CRTAP: variants seen among roughly 807,000 people sequenced by gnomAD.
The protein encoded by CRTAP is cartilage-associated protein.
A neutral mutation model predicts 42.7 loss-of-function variants in CRTAP; 33 were observed. The ratio of observed to expected loss-of-function variants is 0.77; its 90% CI spans 0.59 to 1.03. The LOEUF (loss-of-function observed/expected upper bound fraction) is 1.03. CRTAP is among the 50% of genes least tolerant of loss of function. The pLI, the probability that CRTAP is intolerant of heterozygous loss-of-function variation, is 0.00. For synonymous variants in CRTAP, 243 were observed against 217.7 expected (o/e 1.12, Z -1.02); for missense variants, 613 against 533.9 (o/e 1.15, Z -1.46).
chr3:33,142,669 T>C lies in CRTAP; in HGVS notation c.*221T>C, dbSNP rs1029318591. 1.9e-6 allele frequency: 1 copy of C among 531,770 alleles called. No homozygotes were observed. Among genetic ancestry groups the C allele is most frequent in the Non-Finnish European group, 3.4e-6 (1 of 293,910 alleles). 32.9% of individuals were successfully genotyped at this position (531,770 alleles called of 1,614,324 possible). A position where few individuals can be genotyped will look rare whatever the true frequency, so the allele number is the denominator to read the frequency against. On this transcript the variant is annotated 3_prime_UTR_variant, in exon 7 of 7. Transcript: ENST00000320954. ...TTCACACCTATCTTTCTCACCTTTT[T>C]TTTGAGATGGAGTCTCGCTCTCTTG... is the stretch of plus-strand genomic sequence containing the variant.
rs746788797 is a variant in CRTAP at position 33,114,191 on chromosome 3, G to T, written c.114G>T (p.Arg38=). 1.6e-5 allele frequency: 25 copies of T among 1,593,444 alleles called. No homozygotes were observed. Among genetic ancestry groups the T allele is most frequent in the Middle Eastern group, 1.7e-4 (1 of 5,962 alleles). Residue 38 remains arginine, a synonymous_variant, in exon 1 of 7, where the codon CGG becomes CGT. Coordinates refer to ENST00000320954, the MANE Select transcript of CRTAP (RefSeq NM_006371.5). ...GCTACAGCTTCCGCAGCTTCCCACGGGACGAGCTGATGCCGCTCGAGTCGG... is the reference window on the plus strand; with the variant it reads ...GCTACAGCTTCCGCAGCTTCCCACGTGACGAGCTGATGCCGCTCGAGTCGG... ...YERYSFRSFP[R]DELMPLESAY...
intron 2 of CRTAP, among the ~76,000 whole-genome samples, chr3:33,123,113 A>G (rs76972696): frequency 3.5e-3 from 526 of 152,226 alleles, no homozygotes; most frequent in Middle Eastern, 0.014. Context: ...AATCGAGTCT[A>G]ATCAACAATT....
rs2030675896 is a variant in CRTAP, at chr3:33,144,769, A to G, written c.*2321A>G. ...TACTGAGAAGCAACAGAAAAGAGCC[A>G]TGGATGGAGCCCTTGGGCTCTCTGG... On this transcript the variant is annotated 3_prime_UTR_variant, in exon 7 of 7. Coordinates refer to ENST00000320954, the MANE Select transcript of CRTAP (RefSeq NM_006371.5). 1 of 152,262 alleles carries G rather than the reference A, an allele frequency of 6.6e-6. No individual in the cohort carries two copies. The highest frequency in any genetic ancestry group is 6.5e-5 in the Admixed American group (1 of 15,286). The allele number at this position is 152,262 out of a possible 1,614,324, so 9.4% of individuals were successfully genotyped here. A position where few individuals can be genotyped will look rare whatever the true frequency, so the allele number is the denominator to read the frequency against.
At chr3:33,137,943 T>C (rs1344716696) in intron 6 of CRTAP, among the ~76,000 whole-genome samples, 2 of 152,232 alleles carry the variant, frequency 1.3e-5, no homozygotes, top group East Asian at 1.9e-4. Flanking sequence ...GCACTATTTG[T>C]TGAAAAGACT....
intron 3 of CRTAP, among the ~76,000 whole-genome samples, chr3:33,125,749 C>G (rs2030047418): frequency 1.3e-5 from 2 of 152,072 alleles, no homozygotes; most frequent in South Asian, 4.1e-4. Context: ...GGTAAGGACT[C>G]TTTGTTTTTT....
intron 1 of CRTAP, among the ~76,000 whole-genome samples, chr3:33,119,932 C>A (rs1701395984): frequency 6.6e-6 from 1 of 152,178 alleles, no homozygotes; most frequent in African/African-American, 2.4e-5. Flanking sequence ...AGGGACATAG[C>A]AGCCCAAGAG....
intron 6 of CRTAP, among the ~76,000 whole-genome samples, chr3:33,140,108 CAT>C (rs1343317802): frequency 6.6e-6 from 1 of 152,152 alleles, no homozygotes. Flanking sequence ...ACAAGAACAA[CAT>C]ATATAGAAAG....
At chr3:33,138,843 C>CA (rs1411280906) in intron 6 of CRTAP, among the ~76,000 whole-genome samples, 1 of 151,426 alleles carries the variant, frequency 6.6e-6, no homozygotes, top group Non-Finnish European at 1.5e-5. Context: ...CCCATCTCTA[C>CA]AAAAAATAAA....
At chr3:33,121,507 A>G (rs1461723297) in intron 2 of CRTAP, among the ~76,000 whole-genome samples, 1 of 152,050 alleles carries the variant, frequency 6.6e-6, no homozygotes, top group East Asian at 1.9e-4. Flanking sequence ...GAGTGATCAG[A>G]TCTCAGGCTC....
rs1188647166 is a variant in CRTAP at position 33,144,772 on chromosome 3, G to C, written c.*2324G>C. 1.3e-5 allele frequency: 2 copies of C among 152,268 alleles called. No individual in the cohort carries two copies. Among genetic ancestry groups the C allele is most frequent in the African/African-American group, 4.8e-5 (2 of 41,454 alleles). The allele number at this position is 152,268 out of a possible 1,614,324, so 9.4% of individuals were successfully genotyped here. On this transcript the variant is annotated 3_prime_UTR_variant, in exon 7 of 7. Transcript: ENST00000320954. ...TGAGAAGCAACAGAAAAGAGCCATG[G>C]ATGGAGCCCTTGGGCTCTCTGGGAA...
At position 33,133,347 on chromosome 3, in the gene CRTAP, C is replaced by T. The variant is rs183860334; in HGVS notation, c.1068+647C>T. Among the ~76,000 whole-genome samples, 367 of 151,478 alleles carry T rather than the reference C, an allele frequency of 2.4e-3. 1 individual carries two copies. Among genetic ancestry groups the T allele is most frequent in the Middle Eastern group, 0.014 (4 of 292 alleles). ...GATCTTGGCTCACTGCATCCTCTGC[C>T]TCCTGGGTTCAAGCGATTCTCTTGC... On this transcript the variant is annotated intron_variant, in intron 5 of 6. Transcript: ENST00000320954.
intron 2 of CRTAP, among the ~76,000 whole-genome samples, chr3:33,123,685 A>C (rs773385756): frequency 6.7e-4 from 96 of 143,076 alleles, no homozygotes; most frequent in Non-Finnish European, 7.0e-4. Context: ...GCTGGAGTAC[A>C]GTGGCACAAT....
chr3:33,120,110 G>A (rs1701399297), intron 1 of CRTAP, among the ~76,000 whole-genome samples: 1 of 152,204 alleles, frequency 6.6e-6, no homozygotes, highest in African/African-American at 2.4e-5. Context: ...TGTAGCCAGT[G>A]CAGAGTAGAT....
Position 33,129,921 on chromosome 3 carries a change from TTA to T in CRTAP, c.794-14_794-13del, listed in dbSNP as rs770107661. On this transcript the variant is annotated splice_polypyrimidine_tract_variant and intron_variant, in intron 3 of 6. Transcript: ENST00000320954. ...GTAATGGATCCACTGCTCTGAAAAT[TTA>T]TATGTTTTGTTTCAGATCATTATGT... The T allele has an allele frequency of 2.6e-5, 42 of 1,610,404 alleles. No homozygotes were observed. The East Asian group carries it at 4.5e-4, about 17-fold the overall frequency.
rs1370658916 is a variant in CRTAP, at chr3:33,139,464, T to TA, written c.1153-2929dup. Among the ~76,000 whole-genome samples the TA allele has an allele frequency of 2.0e-5, 3 of 152,022 alleles. No individual in the cohort carries two copies. The East Asian group carries it at 5.8e-4, about 29-fold the overall frequency. ...TATTAGGTTGAGGAAGTTCTATTTTTAATTCGTTGAATTTTTTTTTTTTTT... is the reference window on the plus strand; with the variant it reads ...TATTAGGTTGAGGAAGTTCTATTTTTAAATTCGTTGAATTTTTTTTTTTTTT... On this transcript the variant is annotated intron_variant, in intron 6 of 6. Coordinates refer to ENST00000320954, the MANE Select transcript of CRTAP (RefSeq NM_006371.5).
intron 4 of CRTAP, among the ~76,000 whole-genome samples, chr3:33,131,678 T>G (rs956420938): frequency 2.0e-5 from 3 of 152,114 alleles, no homozygotes; most frequent in Non-Finnish European, 4.4e-5. Context: ...TTTTGAATTT[T>G]TTCTAGACCA....
chr3:33,129,535 CT>C (rs753545426), intron 3 of CRTAP, among the ~76,000 whole-genome samples: 1,235 of 115,700 alleles, frequency 0.011, 5 homozygotes, highest in African/African-American at 0.016. Flanking sequence ...TTTTCTTTTT[CT>C]TTTTTTTTTT....
In CRTAP at chr3:33,134,208, C is replaced by G; in HGVS notation, c.1095C>G (p.Thr365=). 1.2e-6 allele frequency: 2 copies of G among 1,613,450 alleles called. No homozygotes were observed. Among genetic ancestry groups the G allele is most frequent in the Non-Finnish European group, 1.7e-6 (2 of 1,179,366 alleles). ...AAGCAGTTCAGTTCTTTAATGTGAC[C>G]ACACTCCAGAAGGAGCTGTATGACT... ...RPEAVQFFNV[T]TLQKELYDFA... The change falls in exon 6 of 7, where the codon ACC becomes ACG. Residue 365 remains threonine, a synonymous_variant. Transcript: ENST00000320954.
intron 2 of CRTAP, among the ~76,000 whole-genome samples, chr3:33,120,731 T>C (rs1340302010): frequency 6.6e-6 from 1 of 152,250 alleles, no homozygotes; most frequent in Admixed American, 6.5e-5. Context: ...TTTAGAAATA[T>C]GGTCATTTAA....
Sources: gnomAD v4.1 joint callset for allele counts (sites outside exome capture counted in the v4.1 genomes callset) on GRCh38, gnomAD v4.1.1 for gene constraint, MANE v1.5 for transcripts, NCBI Gene and HGNC (gene_info 2026-07-23, HGNC 2026-07-21) for gene names.